Variants in GLRA3 observed in about 807,000 individuals in gnomAD.
The protein encoded by GLRA3 is glycine receptor subunit alpha-3.
Under a neutral mutation model 60.4 loss-of-function variants are expected in GLRA3, and 44 were observed. That is an observed-to-expected ratio of 0.73 (90% CI 0.57 to 0.94). The LOEUF is 0.94. Ranked by LOEUF, GLRA3 falls within the 40% of genes least tolerant of loss-of-function variation. The probability of loss-of-function intolerance (pLI) is 0.00; values close to 1 mark genes in which losing one functional copy is unlikely to be tolerated. For missense variants in GLRA3, 508 were observed against 564.6 expected (o/e 0.90, Z 1.02); for synonymous variants, 223 against 192.9 (o/e 1.16, Z -1.29).
chr4:174,777,295 T>C (rs1168662159), intron 2 of GLRA3, among the ~76,000 whole-genome samples: 2 of 152,210 alleles, frequency 1.3e-5, no homozygotes, highest in African/African-American at 4.8e-5. Flanking sequence ...TCGATAATTG[T>C]ATAAAGTTTC....
intron 5 of GLRA3, among the ~76,000 whole-genome samples, chr4:174,708,846 CAGTT>C (rs1465611554): frequency 3.0e-5 from 4 of 134,596 alleles, no homozygotes; most frequent in South Asian, 2.3e-4. Flanking sequence ...AAAAAAAAAA[CAGTT>C]AGGAATTTTC....
At chr4:174,682,084 G>A (rs1734369103) in intron 6 of GLRA3, among the ~76,000 whole-genome samples, 1 of 152,204 alleles carries the variant, frequency 6.6e-6, no homozygotes, top group Admixed American at 6.5e-5. Context: ...GCTGATGCTA[G>A]TGGGAGGTCA....
At chr4:174,648,551 G>C (rs551841050) in intron 9 of GLRA3, among the ~76,000 whole-genome samples, 79 of 152,294 alleles carry the variant, frequency 5.2e-4, no homozygotes, top group African/African-American at 1.8e-3. Flanking sequence ...CTCTACAGAA[G>C]AGTAGATATG....
chr4:174,763,206 T>C (rs1738002866), intron 3 of GLRA3, among the ~76,000 whole-genome samples: 1 of 152,318 alleles, frequency 6.6e-6, no homozygotes, highest in East Asian at 1.9e-4. Context: ...CCAGGAACTG[T>C]CTGGCAAGCC....
intron 1 of GLRA3, among the ~76,000 whole-genome samples, chr4:174,819,561 T>C (rs973101475): frequency 1.3e-5 from 2 of 152,198 alleles, no homozygotes; most frequent in African/African-American, 4.8e-5. Context: ...TTATAAAGAA[T>C]TTATACTCCT....
At chr4:174,739,742 G>C (rs1387744555) in intron 3 of GLRA3, among the ~76,000 whole-genome samples, 3 of 152,100 alleles carry the variant, frequency 2.0e-5, no homozygotes, top group Non-Finnish European at 4.4e-5. Context: ...GTATGAAAAG[G>C]CTACTTTGTA....
At chr4:174,764,081 G>A (rs1396416745) in intron 3 of GLRA3, among the ~76,000 whole-genome samples, 5 of 152,254 alleles carry the variant, frequency 3.3e-5, no homozygotes, top group East Asian at 3.9e-4. Context: ...TGGGAAAGGA[G>A]TTTAACAGCT....
chr4:174,719,977 T>C (rs1736073431), intron 4 of GLRA3, among the ~76,000 whole-genome samples: 1 of 52,656 alleles, frequency 1.9e-5, no homozygotes, highest in African/African-American at 6.1e-5. Flanking sequence ...AAGTAAACTT[T>C]AGTTATTTTC....
intron 5 of GLRA3, chr4:174,712,390 CT>C (rs1174881517): frequency 6.6e-6 from 1 of 151,856 alleles, no homozygotes; most frequent in African/African-American, 2.4e-5. Flanking sequence ...GAAACAGAGA[CT>C]TTTTTGCTTT....
rs79854383 is a variant in GLRA3, at chr4:174,682,732, A to G, written c.712+70T>C. ...ATGAACAGTTAAATAACTTAGCATT[A>G]TAATGAAGAAACATCTGGATATCAT... On this transcript the variant is annotated intron_variant, in intron 6 of 9. Coordinates refer to ENST00000274093, the MANE Select transcript of GLRA3 (RefSeq NM_006529.4). The G allele has an allele frequency of 3.7e-3, 4,204 of 1,124,468 alleles. 101 individuals carry two copies. In the African/African-American group the frequency reaches 0.051, roughly 14 times the overall value. 69.7% of individuals were successfully genotyped at this position (1,124,468 alleles called of 1,614,324 possible).
intron 1 of GLRA3, among the ~76,000 whole-genome samples, chr4:174,815,164 C>G (rs1037041480): frequency 2.6e-5 from 4 of 152,182 alleles, no homozygotes; most frequent in East Asian, 3.9e-4. Flanking sequence ...GCAATCAAAC[C>G]TCAAAGCTCC....
At chr4:174,712,118 C>G (rs567316945) in intron 5 of GLRA3, among the ~76,000 whole-genome samples, 2 of 152,166 alleles carry the variant, frequency 1.3e-5, no homozygotes, top group East Asian at 1.9e-4. Flanking sequence ...TTCTTTTCCT[C>G]TAACTAGGAA....
At chr4:174,650,065 C>T (rs973806117) in intron 9 of GLRA3, among the ~76,000 whole-genome samples, 21 of 152,088 alleles carry the variant, frequency 1.4e-4, no homozygotes, top group African/African-American at 4.1e-4. Context: ...TGACTAGGTA[C>T]GGGTGGCTAA....
chr4:174,737,162 G>A (rs531421520), intron 3 of GLRA3, among the ~76,000 whole-genome samples: 1 of 152,156 alleles, frequency 6.6e-6, no homozygotes, highest in Admixed American at 6.5e-5. Flanking sequence ...TTTATTTTGG[G>A]CCTGTGTAAG....
At chr4:174,825,156 T>C (rs945882139) in intron 1 of GLRA3, among the ~76,000 whole-genome samples, 6 of 152,118 alleles carry the variant, frequency 3.9e-5, no homozygotes, top group Admixed American at 2.6e-4. Context: ...GATAATGTTA[T>C]ATATAGCAAA....
rs544118826 is a variant in GLRA3 at position 174,662,076 on chromosome 4, TTGAG to T, written c.928-2883_928-2880del. On this transcript the variant is annotated intron_variant, in intron 7 of 9. Transcript: ENST00000274093. Reference sequence around the variant, plus strand: ...CCATTGCTCAAGGTTGAAAATTTGCTTGAGTATTAGTTTCCGCTCTTATTGTATA... The same window carrying T: ...CCATTGCTCAAGGTTGAAAATTTGCTTATTAGTTTCCGCTCTTATTGTATA... Among the ~76,000 whole-genome samples, 714 of 152,322 alleles carry T rather than the reference TTGAG, an allele frequency of 4.7e-3. 4 individuals are homozygous for T. Among genetic ancestry groups the T allele is most frequent in the Admixed American group, 5.9e-3 (90 of 15,296 alleles).
chr4:174,813,549 G>T (rs1201116217), intron 1 of GLRA3, among the ~76,000 whole-genome samples: 1 of 152,084 alleles, frequency 6.6e-6, no homozygotes, highest in Non-Finnish European at 1.5e-5. Flanking sequence ...AGCCTACACT[G>T]GTCTGTTTCA....
At chr4:174,778,493 C>G (rs1395682980) in intron 2 of GLRA3, among the ~76,000 whole-genome samples, 1 of 152,170 alleles carries the variant, frequency 6.6e-6, no homozygotes, top group African/African-American at 2.4e-5. Context: ...CGAATAGGAA[C>G]AGCTCCTGTC....
intron 1 of GLRA3, among the ~76,000 whole-genome samples, chr4:174,792,570 A>G (rs1223911188): frequency 6.6e-6 from 1 of 152,158 alleles, no homozygotes; most frequent in African/African-American, 2.4e-5. Context: ...AACCAGGAAT[A>G]TATGCAGTTT....
Sources: gnomAD v4.1 joint callset for allele counts (sites outside exome capture counted in the v4.1 genomes callset) on GRCh38, gnomAD v4.1.1 for gene constraint, MANE v1.5 for transcripts, NCBI Gene and HGNC (gene_info 2026-07-23, HGNC 2026-07-21) for gene names.